Variants in DOCK3 observed in about 807,000 individuals in gnomAD.
DOCK3 encodes the protein dedicator of cytokinesis 3.
In DOCK3, 60 loss-of-function variants were observed where a neutral mutation model predicts 265.6. That is an observed-to-expected ratio of 0.23 (90% CI 0.18 to 0.28). The LOEUF is 0.28. Among genes scored for constraint, DOCK3 ranks in the 10% least tolerant of loss-of-function variants. DOCK3 has a pLI of 1.00. For missense variants in DOCK3, 1,981 were observed against 2,594.3 expected (o/e 0.76, Z 5.14); for synonymous variants, 881 against 938.0 (o/e 0.94, Z 1.11).
intron 9 of DOCK3, among the ~76,000 whole-genome samples, chr3:51,106,338 A>C (rs1235949964): frequency 6.6e-6 from 1 of 152,164 alleles, no homozygotes; most frequent in South Asian, 2.1e-4. Flanking sequence ...GTCGGCAGAG[A>C]GCTCCAGCAT....
chr3:51,141,176 T>C (rs2085044605), intron 9 of DOCK3, among the ~76,000 whole-genome samples: 2 of 124,964 alleles, frequency 1.6e-5, no homozygotes, highest in African/African-American at 6.3e-5. Flanking sequence ...TGAGAATTTA[T>C]ACCTATATTT....
rs778147588 is a variant in DOCK3 at position 51,159,420 on chromosome 3, A to G, written c.889+116A>G. On this transcript the variant is annotated intron_variant, in intron 11 of 52. Coordinates refer to ENST00000266037, the MANE Select transcript of DOCK3 (RefSeq NM_004947.5). The stretch of plus-strand genomic sequence containing the variant: ...CTTACCTGTAATTTCAGGTCTCAGG[A>G]TTAGAGTCCAGCTTGTATTGAAGCT... 2.7e-4 allele frequency: 253 copies of G among 920,842 alleles called. 1 individual carries two copies. Among genetic ancestry groups the G allele is most frequent in the Non-Finnish European group, 4.1e-4 (242 of 587,342 alleles). 57.0% of individuals were successfully genotyped at this position (920,842 alleles called of 1,614,324 possible). A position where few individuals can be genotyped will look rare whatever the true frequency, so the allele number is the denominator to read the frequency against.
rs754066725 is a variant in DOCK3 at position 51,064,483 on chromosome 3, T to C, written c.351T>C (p.His117=). 3.1e-6 allele frequency: 5 copies of C among 1,613,874 alleles called. No individual in the cohort carries two copies. The highest frequency in any genetic ancestry group is 2.2e-5 in the East Asian group (1 of 44,894). ...TAGATCTTTTCTACAAACTACGCCA[T>C]GTGATGAATGAACTTATTGACCTGC... ...HKVDLFYKLR[H]VMNELIDLRR... Residue 117 remains histidine (H), a synonymous_variant, in exon 6 of 53, where the codon CAT becomes CAC. Transcript: ENST00000266037.
chr3:51,345,923 G>A (rs4974104), intron 38 of DOCK3, among the ~76,000 whole-genome samples: 114,208 of 152,054 alleles, frequency 0.75, 43,897 homozygotes, highest in Middle Eastern at 0.86. Context: ...AAATACTATG[G>A]GGAGGAATAA....
rs1318844244 is a variant in DOCK3, at chr3:51,359,284, A to G, written c.4884+1207A>G. Among the ~76,000 whole-genome samples the G allele has an allele frequency of 2.0e-5, 3 of 152,138 alleles. No individual in the cohort carries two copies. Among genetic ancestry groups the G allele is most frequent in the African/African-American group, 7.2e-5 (3 of 41,382 alleles). On this transcript the variant is annotated intron_variant, in intron 46 of 52. Coordinates refer to ENST00000266037, the MANE Select transcript of DOCK3 (RefSeq NM_004947.5). The surrounding 1 kb of genome is among the most constrained non-coding windows in gnomAD (Gnocchi z 4.8). The stretch of plus-strand genomic sequence containing the variant: ...AGTGCAGGTCTCAGCCTGTGTGGAC[A>G]AGTGTGGACAGCATGAAAAGAGAAA...
Position 51,381,772 on chromosome 3 carries a change from ATTT to A in DOCK3, c.*218_*220del. On this transcript the variant is annotated 3_prime_UTR_variant, in exon 53 of 53. Coordinates refer to ENST00000266037, the MANE Select transcript of DOCK3 (RefSeq NM_004947.5). This position sits in a 1 kb window ranked among gnomAD's most constrained non-coding sequence, Gnocchi z 5.6. Reference sequence around the variant, plus strand: ...ATGAAGGGTTGTGGCTTCCCTTTTTATTTTTTTACATTTCCATTTCTATGGGTT... The same window carrying A: ...ATGAAGGGTTGTGGCTTCCCTTTTTATTTTACATTTCCATTTCTATGGGTT... The A allele has an allele frequency of 2.0e-6, 1 of 501,754 alleles. No individual in the cohort carries two copies. The highest frequency in any genetic ancestry group is 3.3e-6 in the Non-Finnish European group (1 of 301,864). The allele number at this position is 501,754 out of a possible 1,614,324, so 31.1% of individuals were successfully genotyped here. A position where few individuals can be genotyped will look rare whatever the true frequency, so the allele number is the denominator to read the frequency against.
At chr3:50,955,219 C>T (rs555917966) in intron 5 of DOCK3, among the ~76,000 whole-genome samples, 2 of 152,298 alleles carry the variant, frequency 1.3e-5, no homozygotes, top group South Asian at 2.1e-4. Flanking sequence ...AGACAGAACA[C>T]TTACACACTG....
chr3:51,346,359 A>T (rs2085573240), intron 38 of DOCK3, among the ~76,000 whole-genome samples: 1 of 144,334 alleles, frequency 6.9e-6, no homozygotes, highest in Non-Finnish European at 1.5e-5. Flanking sequence ...CTCATTGTTC[A>T]GTTCCCACCT....
chr3:51,322,078 A>G lies in DOCK3; in HGVS notation c.3402+6950A>G, dbSNP rs2083767944. On this transcript the variant is annotated intron_variant, in intron 32 of 52. Transcript: ENST00000266037. ...GGAAAAATGTTAAGGGCAGCCAGAG[A>G]GAAAGGTCAGGTTACCCACAAGGGG... Among the ~76,000 whole-genome samples the G allele has an allele frequency of 6.6e-5, 10 of 152,360 alleles. No homozygotes were observed. In the South Asian group the frequency reaches 2.1e-3, roughly 32 times the overall value.
intron 1 of DOCK3, among the ~76,000 whole-genome samples, chr3:50,757,445 T>C (rs1379022960): frequency 6.6e-6 from 1 of 152,176 alleles, no homozygotes; most frequent in Non-Finnish European, 1.5e-5. Flanking sequence ...GTGCTGCGAT[T>C]ACAGGCGTGA....
chr3:50,710,734 T>C (rs1255746904), intron 1 of DOCK3, among the ~76,000 whole-genome samples: 9 of 152,184 alleles, frequency 5.9e-5, no homozygotes, highest in African/African-American at 2.2e-4. Context: ...CAATTTGCAA[T>C]TGCAAAAATA....
At chr3:50,771,263 A>G (rs1478560729) in intron 1 of DOCK3, among the ~76,000 whole-genome samples, 4 of 152,224 alleles carry the variant, frequency 2.6e-5, no homozygotes, top group Non-Finnish European at 5.9e-5. Flanking sequence ...AAAAAATCCA[A>G]TAATCTGATC....
At chr3:51,309,272 A>G (rs2082910792) in intron 27 of DOCK3, among the ~76,000 whole-genome samples, 1 of 152,210 alleles carries the variant, frequency 6.6e-6, no homozygotes, top group South Asian at 2.1e-4. Flanking sequence ...AGATCACGCC[A>G]CTGCACTCCA....
At chr3:51,157,237 C>T (rs1183699121) in intron 10 of DOCK3, among the ~76,000 whole-genome samples, 1 of 151,946 alleles carries the variant, frequency 6.6e-6, no homozygotes, top group African/African-American at 2.4e-5. Flanking sequence ...CATCTAAAAG[C>T]TTCAGTTTCA....
intron 12 of DOCK3, among the ~76,000 whole-genome samples, chr3:51,166,723 G>T (rs1038033631): frequency 2.0e-5 from 3 of 152,164 alleles, no homozygotes; most frequent in Non-Finnish European, 4.4e-5. Flanking sequence ...GTGATATTGA[G>T]TACCTTTTCA....
chr3:50,682,800 A>C (rs948536819), intron 1 of DOCK3, among the ~76,000 whole-genome samples: 1 of 152,230 alleles, frequency 6.6e-6, no homozygotes, highest in African/African-American at 2.4e-5. Flanking sequence ...TTAGCCGGGC[A>C]TGGTGGCGCA....
intron 1 of DOCK3, among the ~76,000 whole-genome samples, chr3:50,767,533 A>G (rs1245641235): frequency 6.6e-6 from 1 of 152,080 alleles, no homozygotes; most frequent in Non-Finnish European, 1.5e-5. Context: ...CTTGTAGTAT[A>G]GTTTGAGGTC....
chr3:50,710,041 A>T (rs2036654589), intron 1 of DOCK3, among the ~76,000 whole-genome samples: 1 of 152,190 alleles, frequency 6.6e-6, no homozygotes, highest in African/African-American at 2.4e-5. Flanking sequence ...CTCTTAAAAA[A>T]TAAAGACCTG....
chr3:50,845,973 G>T (rs1405789715), intron 3 of DOCK3, among the ~76,000 whole-genome samples: 3 of 152,172 alleles, frequency 2.0e-5, no homozygotes. Context: ...AATTTTGTCT[G>T]TATTTGAAAT....
Sources: allele counts gnomAD v4.1 joint callset (sites outside exome capture counted in the v4.1 genomes callset), GRCh38; gene constraint gnomAD v4.1.1; non-coding constraint Gnocchi (gnomAD v3.1); transcripts MANE v1.5; gene names NCBI Gene and HGNC (gene_info 2026-07-23, HGNC 2026-07-21).